TMEM135: variants seen among roughly 807,000 people sequenced by gnomAD.
The protein encoded by TMEM135 is peroxisomal membrane protein 52.
In TMEM135, 30 loss-of-function variants were observed where a neutral mutation model predicts 60.3. The observed-to-expected ratio is 0.50, with a 90% CI of 0.37 to 0.68. TMEM135 has a LOEUF of 0.68. Ranked by LOEUF, TMEM135 falls within the 30% of genes least tolerant of loss-of-function variation. TMEM135 has a pLI of 0.00. For missense variants in TMEM135, 468 were observed against 548.8 expected, an observed-to-expected ratio of 0.85 and a Z score of 1.47; for synonymous variants, 190 against 186.7, an observed-to-expected ratio of 1.02 and a Z score of -0.14.
intron 4 of TMEM135, among the ~76,000 whole-genome samples, chr11:87,114,857 A>T (rs1349301106): frequency 6.6e-6 from 1 of 152,224 alleles, no homozygotes; most frequent in Non-Finnish European, 1.5e-5. Context: ...AGGATGCAGT[A>T]CTTGTAATAG....
At chr11:87,312,281 G>A (rs973477188) in intron 10 of TMEM135, among the ~76,000 whole-genome samples, 6 of 149,694 alleles carry the variant, frequency 4.0e-5, no homozygotes, top group Non-Finnish European at 5.9e-5. Flanking sequence ...TTTAGTGGCT[G>A]CCTTAACATT....
chr11:87,127,359 A>G (rs1476669460), intron 4 of TMEM135, among the ~76,000 whole-genome samples: 1 of 152,162 alleles, frequency 6.6e-6, no homozygotes, highest in Non-Finnish European at 1.5e-5. Context: ...CACAGTCTCC[A>G]TGGCAGGCCT....
At chr11:87,076,298 C>T (rs542200837) in intron 3 of TMEM135, among the ~76,000 whole-genome samples, 1 of 152,358 alleles carries the variant, frequency 6.6e-6, no homozygotes, top group East Asian at 1.9e-4. Context: ...AGAGGAGCCT[C>T]TCCATGTGGG....
At chr11:87,043,024 C>A (rs192065081) in intron 1 of TMEM135, among the ~76,000 whole-genome samples, 1 of 147,018 alleles carries the variant, frequency 6.8e-6, no homozygotes, top group Non-Finnish European at 1.5e-5. Flanking sequence ...GGTGTGATCT[C>A]GGCTCACTAC....
intron 6 of TMEM135, among the ~76,000 whole-genome samples, chr11:87,280,176 G>A (rs1942034956): frequency 1.3e-5 from 2 of 152,192 alleles, no homozygotes; most frequent in Non-Finnish European, 2.9e-5. Context: ...ATTAATATCA[G>A]TTGCTTTCAA....
At chr11:87,246,224 G>A (rs1941266145) in intron 6 of TMEM135, among the ~76,000 whole-genome samples, 1 of 148,016 alleles carries the variant, frequency 6.8e-6, no homozygotes, top group Non-Finnish European at 1.5e-5. Flanking sequence ...GAGATCCGCT[G>A]TTAGTCCAAT....
At position 87,323,296 on chromosome 11, in the gene TMEM135, T is replaced by C. The variant is rs938227580; in HGVS notation, c.*1963T>C. The C allele has an allele frequency of 2.2e-6, 1 of 453,866 alleles. No homozygotes were observed. Among genetic ancestry groups the C allele is most frequent in the African/African-American group, 2.0e-5 (1 of 50,002 alleles). 28.1% of individuals were successfully genotyped at this position (453,866 alleles called of 1,614,324 possible). Reference sequence around the variant, plus strand: ...ATGAAATAGCTATCATGAAGCAGAATACAATGATGAATGTATAGGTTGAGT... The same window carrying C: ...ATGAAATAGCTATCATGAAGCAGAACACAATGATGAATGTATAGGTTGAGT... On this transcript the variant is annotated 3_prime_UTR_variant, in exon 15 of 15. Transcript: ENST00000305494.
At chr11:87,046,412 C>T (rs1004137625) in intron 1 of TMEM135, among the ~76,000 whole-genome samples, 1 of 152,096 alleles carries the variant, frequency 6.6e-6, no homozygotes, top group African/African-American at 2.4e-5. Flanking sequence ...AAACAAACAA[C>T]AAAACAAACC....
intron 5 of TMEM135, among the ~76,000 whole-genome samples, chr11:87,209,192 C>T (rs541096529): frequency 1.3e-5 from 2 of 152,192 alleles, no homozygotes; most frequent in Admixed American, 1.3e-4. Flanking sequence ...ATCAAATCCT[C>T]ACATATCAAT....
intron 4 of TMEM135, 29 bp downstream of exon 4, chr11:87,091,424 C>T: frequency 6.2e-7 from 1 of 1,606,560 alleles, no homozygotes; most frequent in Non-Finnish European, 8.5e-7. Flanking sequence ...CCTTTGATGT[C>T]TTCCCATAAG....
chr11:87,202,007 T>TATGTTATGTTATGTA lies in TMEM135; in HGVS notation c.463-34627_463-34626insTATGTTATGTAATGT, dbSNP rs1555117415. ...TATGTTATGTTATGTTATGTTATGT[T>TATGTTATGTTATGTA]ATGTAATGTTATGTTATGTTTTACG... is the stretch of plus-strand genomic sequence containing the variant. On this transcript the variant is annotated intron_variant, in intron 5 of 14. Coordinates refer to ENST00000305494, the MANE Select transcript of TMEM135 (RefSeq NM_022918.4). Among the ~76,000 whole-genome samples the TATGTTATGTTATGTA allele has an allele frequency of 4.0e-3, 256 of 63,604 alleles. 2 individuals carry two copies. Among genetic ancestry groups the TATGTTATGTTATGTA allele is most frequent in the Middle Eastern group, 8.9e-3 (1 of 112 alleles). The allele number at this position is 63,604 out of a possible 152,430, so 41.7% of individuals were successfully genotyped here.
chr11:87,116,643 A>T (rs1165411807), intron 4 of TMEM135, among the ~76,000 whole-genome samples: 1 of 43,158 alleles, frequency 2.3e-5, no homozygotes, highest in Non-Finnish European at 5.0e-5. Flanking sequence ...ACACACACAC[A>T]CACAGACACA....
chr11:87,167,398 G>A lies in TMEM135; in HGVS notation c.462+9992G>A, dbSNP rs1939085224. ...TTTGTCTTGTGCCCATTTTCAAAGA[G>A]AATGCTTCCAGCTTTTGCCCAGTTA... On this transcript the variant is annotated intron_variant, in intron 5 of 14. Coordinates refer to ENST00000305494, the MANE Select transcript of TMEM135 (RefSeq NM_022918.4). Among the ~76,000 whole-genome samples the A allele has an allele frequency of 3.3e-5, 5 of 152,262 alleles. No homozygotes were observed. In the South Asian group the frequency reaches 1.0e-3, roughly 32 times the overall value.
chr11:87,062,364 A>G (rs1436524669), intron 1 of TMEM135, among the ~76,000 whole-genome samples: 1 of 104,348 alleles, frequency 9.6e-6, no homozygotes, highest in Non-Finnish European at 1.8e-5. Flanking sequence ...ATTTATTTCA[A>G]ATTACTTTTT....
chr11:87,237,761 G>C (rs1941033617), intron 6 of TMEM135, among the ~76,000 whole-genome samples: 3 of 151,736 alleles, frequency 2.0e-5, no homozygotes, highest in Middle Eastern at 3.4e-3. Context: ...CAAATAGTAG[G>C]TCTCATTCTT....
At chr11:87,118,459 T>C (rs1591032332) in intron 4 of TMEM135, among the ~76,000 whole-genome samples, 1 of 152,098 alleles carries the variant, frequency 6.6e-6, no homozygotes, top group Middle Eastern at 3.4e-3. Context: ...TTTTTTTTTT[T>C]CTTTTTTGAG....
intron 5 of TMEM135, among the ~76,000 whole-genome samples, chr11:87,189,178 C>G (rs1031966933): frequency 9.2e-6 from 1 of 108,758 alleles, no homozygotes; most frequent in African/African-American, 3.3e-5. Context: ...CCTTTCTTTG[C>G]TTTCTTTCTT....
At chr11:87,117,862 T>A (rs117699224) in intron 4 of TMEM135, among the ~76,000 whole-genome samples, 3,183 of 152,252 alleles carry the variant, frequency 0.021, 37 homozygotes, top group South Asian at 0.032. Flanking sequence ...TTTGCCCCAA[T>A]CCATCAGAGG....
chr11:87,099,568 T>C (rs1236970484), intron 4 of TMEM135, among the ~76,000 whole-genome samples: 1 of 152,100 alleles, frequency 6.6e-6, no homozygotes, highest in African/African-American at 2.4e-5. Flanking sequence ...TTAGCTGTTA[T>C]GAACAAAGCT....
Sources: allele counts gnomAD v4.1 joint callset (sites outside exome capture counted in the v4.1 genomes callset), GRCh38; gene constraint gnomAD v4.1.1; transcripts MANE v1.5; gene names NCBI Gene and HGNC (gene_info 2026-07-23, HGNC 2026-07-21).